The following VPS37A variants were observed in gnomAD, a reference collection of about 807,000 sequenced individuals.
VPS37A encodes VPS37A subunit of ESCRT-I.
A neutral mutation model predicts 49.8 loss-of-function variants in VPS37A; 30 were observed. The observed-to-expected ratio is 0.60, with a 90% CI of 0.45 to 0.82. VPS37A has a LOEUF of 0.82. Among genes scored for constraint, VPS37A ranks in the 40% least tolerant of loss-of-function variants. The probability of loss-of-function intolerance (pLI) is 0.00; values close to 1 mark genes in which losing one functional copy is unlikely to be tolerated. For synonymous variants in VPS37A, 195 were observed against 160.6 expected (o/e 1.21, Z -1.62); for missense variants, 593 against 464.4 (o/e 1.28, Z -2.55).
At position 17,297,887 on chromosome 8, in the gene VPS37A, C is replaced by CTGTCT. The variant is rs1368269922; in HGVS notation, c.*2905_*2909dup. On this transcript the variant is annotated 3_prime_UTR_variant, in exon 12 of 12. Transcript: ENST00000324849. ...GAACATGTTACATAAATTATAATGT[C>CTGTCT]TGTCTTGTAAAAAAGTTGAGGGGAC... 14 of 151,948 alleles carry CTGTCT rather than the reference C, an allele frequency of 9.2e-5. No individual in the cohort carries two copies. Among genetic ancestry groups the CTGTCT allele is most frequent in the African/African-American group, 2.7e-4 (11 of 41,416 alleles). The allele number at this position is 151,948 out of a possible 1,614,324, so 9.4% of individuals were successfully genotyped here.
chr8:17,296,143 C>CT lies in VPS37A; in HGVS notation c.*1163dup, dbSNP rs1451036822. The CT allele has an allele frequency of 1.3e-5, 2 of 152,122 alleles. No homozygotes were observed. The highest frequency in any genetic ancestry group is 1.3e-4 in the Admixed American group (2 of 15,272). 9.4% of individuals were successfully genotyped at this position (152,122 alleles called of 1,614,324 possible). ...CCAGCATATAGTATAGATTGTCTGT[C>CT]TTTTTTATATTTTTTAGTTCTTCCT... On this transcript the variant is annotated 3_prime_UTR_variant, in exon 12 of 12. Transcript: ENST00000324849.
chr8:17,284,453 T>G lies in VPS37A; in HGVS notation c.970-20T>G. ...TTGTGAGTATCATAAATTAAAGTAG[T>G]GCCTGATTTTCTTTTTCAGAGCTGT... On this transcript the variant is annotated intron_variant, in intron 9 of 11. Coordinates refer to ENST00000324849, the MANE Select transcript of VPS37A (RefSeq NM_152415.3). The G allele has an allele frequency of 6.4e-7, 1 of 1,553,360 alleles. No homozygotes were observed. Among genetic ancestry groups the G allele is most frequent in the Non-Finnish European group, 8.6e-7 (1 of 1,160,480 alleles).
chr8:17,276,566 T>C (rs1814532895), intron 6 of VPS37A, 99 bp downstream of exon 6: 1 of 1,171,934 alleles, frequency 8.5e-7, no homozygotes, highest in Non-Finnish European at 1.2e-6. Flanking sequence ...TTTAAAATTT[T>C]CACTAATCCT....
intron 9 of VPS37A, among the ~76,000 whole-genome samples, chr8:17,281,105 A>T (rs1311342013): frequency 6.6e-6 from 1 of 152,032 alleles, no homozygotes; most frequent in Admixed American, 6.6e-5. Flanking sequence ...ATATAAATTT[A>T]TAATGAATTT....
downstream of VPS37A, chr8:17,298,484 A>C (rs1474324200): frequency 2.6e-5 from 4 of 152,514 alleles, no homozygotes; most frequent in African/African-American, 9.7e-5. Flanking sequence ...TACTAGAGAG[A>C]TCAGCAATGT....
At chr8:17,306,246 T>A (rs569198081), downstream of VPS37A, among the ~76,000 whole-genome samples, 4 of 152,316 alleles carry the variant, frequency 2.6e-5, no homozygotes, top group South Asian at 4.1e-4. Context: ...AGGGCATTTT[T>A]AAATTCATTC....
intron 1 of VPS37A, among the ~76,000 whole-genome samples, chr8:17,254,735 T>C (rs1049596844): frequency 3.9e-5 from 6 of 152,180 alleles, no homozygotes; most frequent in Admixed American, 6.5e-5. Context: ...TTCAGCACTG[T>C]TATGGATTTG....
At chr8:17,282,670 C>G (rs1252180010) in intron 9 of VPS37A, among the ~76,000 whole-genome samples, 1 of 152,042 alleles carries the variant, frequency 6.6e-6, no homozygotes, top group Admixed American at 6.5e-5. Context: ...AAAGATTCTG[C>G]TTTAACAGTT....
chr8:17,249,154 T>C (rs1811743780), intron 1 of VPS37A, among the ~76,000 whole-genome samples: 1 of 152,210 alleles, frequency 6.6e-6, no homozygotes, highest in Non-Finnish European at 1.5e-5. Flanking sequence ...TCTTCGAGGT[T>C]GGAGTTTAAT....
the VPS37A span, among the ~76,000 whole-genome samples, chr8:17,311,036 T>C: frequency 6.6e-6 from 1 of 152,192 alleles, no homozygotes; most frequent in Non-Finnish European, 1.5e-5. Context: ...ATTTTCAGCA[T>C]TCTCATCCAG....
chr8:17,248,640 A>T (rs942327213), intron 1 of VPS37A, among the ~76,000 whole-genome samples: 1 of 152,212 alleles, frequency 6.6e-6, no homozygotes, highest in African/African-American at 2.4e-5. Context: ...ATAATATCGA[A>T]TAATTCTTAT....
At chr8:17,276,502 A>C in intron 6 of VPS37A, 35 bp downstream of exon 6, 2 of 1,572,236 alleles carry the variant, frequency 1.3e-6, no homozygotes, top group East Asian at 2.3e-5. Flanking sequence ...CACATTGTCT[A>C]TTTTATTTGT....
At chr8:17,260,037 T>C (rs1052581490) in intron 1 of VPS37A, among the ~76,000 whole-genome samples, 56 of 152,264 alleles carry the variant, frequency 3.7e-4, no homozygotes, top group African/African-American at 1.3e-3. Flanking sequence ...ACTTAATGCC[T>C]TTTAATTGGA....
chr8:17,291,226 T>C (rs756314940), intron 11 of VPS37A, among the ~76,000 whole-genome samples: 3 of 152,170 alleles, frequency 2.0e-5, no homozygotes, highest in Non-Finnish European at 4.4e-5. Flanking sequence ...TTGGCCAGGC[T>C]AGTCTTGAAC....
chr8:17,305,679 T>C (rs1586141210), downstream of VPS37A: 1 of 1,318,734 alleles, frequency 7.6e-7, no homozygotes, highest in East Asian at 2.3e-5. Flanking sequence ...TCTTCAAAAT[T>C]ATGAAAGGCC....
intron 4 of VPS37A, among the ~76,000 whole-genome samples, chr8:17,273,022 C>CTTTTTTTT (rs1563263775): frequency 1.2e-5 from 1 of 80,148 alleles, no homozygotes; most frequent in African/African-American, 6.4e-5. Context: ...TTTTGCCCTT[C>CTTTTTTTT]CTTTTTTTTT....
At chr8:17,276,934 G>C (rs1314169652) in intron 6 of VPS37A, among the ~76,000 whole-genome samples, 1 of 151,882 alleles carries the variant, frequency 6.6e-6, no homozygotes, top group East Asian at 1.9e-4. Flanking sequence ...CAAATTTAAG[G>C]TGCCATTTTT....
At chr8:17,309,979 T>G in the VPS37A span, among the ~76,000 whole-genome samples, 1 of 152,096 alleles carries the variant, frequency 6.6e-6, no homozygotes, top group Non-Finnish European at 1.5e-5. Context: ...TTATTTTGGT[T>G]TTGTATTTTA....
rs551713692 is a variant in VPS37A, at chr8:17,248,879, G to T, written c.125+1510G>T. Among the ~76,000 whole-genome samples, 3 of 152,178 alleles carry T rather than the reference G, an allele frequency of 2.0e-5. No homozygotes were observed. In the East Asian group the frequency reaches 5.8e-4, roughly 29 times the overall value. The stretch of plus-strand genomic sequence containing the variant: ...GCTTTCATTCTGGAAAATTAAGTTC[G>T]CAAAGTTCTTACAAGTCACTCTTAC... On this transcript the variant is annotated intron_variant, in intron 1 of 11. Transcript: ENST00000324849.
Sources: allele counts gnomAD v4.1 joint callset (sites outside exome capture counted in the v4.1 genomes callset), GRCh38; gene constraint gnomAD v4.1.1; transcripts MANE v1.5; gene names NCBI Gene and HGNC (gene_info 2026-07-23, HGNC 2026-07-21).